The following R3HDM4 variants were observed in gnomAD, a reference collection of about 807,000 sequenced individuals.
R3HDM4 encodes R3H domain containing 4.
R3HDM4 carries 30 observed loss-of-function variants against 31.3 expected under a neutral mutation model. The ratio of observed to expected loss-of-function variants is 0.96; its 90% CI spans 0.72 to 1.30. The LOEUF is 1.30. Ranked by LOEUF, R3HDM4 falls within the 50% of genes most tolerant of loss-of-function variation. The pLI, the probability that R3HDM4 is intolerant of heterozygous loss-of-function variation, is 0.00. For synonymous variants in R3HDM4, 196 were observed against 156.6 expected (o/e 1.25, Z -1.88); for missense variants, 444 against 366.1 (o/e 1.21, Z -1.74).
intron 7 of R3HDM4, among the ~76,000 whole-genome samples, chr19:898,230 ATAT>A (rs368833393): frequency 6.4e-5 from 8 of 124,272 alleles, no homozygotes; most frequent in African/African-American, 1.7e-4. Flanking sequence ...AAAAAAAAAA[ATAT>A]ATATATATAT....
chr19:906,251 G>A (rs1384501729), intron 1 of R3HDM4, among the ~76,000 whole-genome samples: 55 of 123,590 alleles, frequency 4.5e-4, no homozygotes, highest in African/African-American at 1.6e-3. Flanking sequence ...ACAGAGTCTC[G>A]CTCTGTCGCC....
intron 1 of R3HDM4, among the ~76,000 whole-genome samples, chr19:910,920 C>T (rs954523505): frequency 2.0e-5 from 3 of 151,194 alleles, no homozygotes; most frequent in Admixed American, 1.3e-4. Flanking sequence ...GAGATCGAGA[C>T]CATCCTGGCT....
chr19:897,549 G>A lies in R3HDM4; in HGVS notation c.704-9C>T, dbSNP rs375610312. ...CCCCTCCAGGTCAGCACCTGCAGAC[G>A]GGACCAGCGGGGCAAGAACGGGAGG... On this transcript the variant is annotated splice_polypyrimidine_tract_variant and intron_variant, in intron 7 of 7. Transcript: ENST00000361574. 80 of 1,599,874 alleles carry A rather than the reference G, an allele frequency of 5.0e-5. No individual in the cohort carries two copies. The highest frequency in any genetic ancestry group is 3.4e-4 in the East Asian group (15 of 44,496).
In R3HDM4 at chr19:901,963, G is replaced by C. The variant is rs141569906; in HGVS notation, c.226+13C>G. 44 of 1,612,986 alleles carry C rather than the reference G, an allele frequency of 2.7e-5. No individual in the cohort carries two copies. Among genetic ancestry groups the C allele is most frequent in the Non-Finnish European group, 3.5e-5 (41 of 1,179,970 alleles). On this transcript the variant is annotated intron_variant, in intron 2 of 7. Transcript: ENST00000361574. Reference sequence around the variant, plus strand: ...CAGGAGCCCCCAGGAGGCGCCTCCCGACCCCTGCTCACTGTTCTCCAGGCG... The same window carrying C: ...CAGGAGCCCCCAGGAGGCGCCTCCCCACCCCTGCTCACTGTTCTCCAGGCG...
intron 2 of R3HDM4, chr19:901,762 CG>C: frequency 1.2e-6 from 1 of 816,212 alleles, no homozygotes; most frequent in East Asian, 2.6e-5. Flanking sequence ...CTCCAATGCC[CG>C]GGGCGCCCTC....
chr19:912,723 GGGGGGGCGGACCGGGGAGT>G, intron 1 of R3HDM4, among the ~76,000 whole-genome samples: 1 of 135,480 alleles, frequency 7.4e-6, no homozygotes, highest in Non-Finnish European at 1.6e-5. Context: ...CCAGTGCAGT[GGGGGGGCGGACCGGGGAGT>G]GGGGCGCGGA....
At chr19:902,279 ATT>A in intron 1 of R3HDM4, 149 bp from the exon 2 acceptor site, 1 of 774,710 alleles carries the variant, frequency 1.3e-6, no homozygotes, top group Non-Finnish European at 2.0e-6. Context: ...TTAAAATCCT[ATT>A]TTGTTTCATC....
chr19:900,800 A>AC, intron 4 of R3HDM4, 29 bp downstream of exon 4: 1 of 324,792 alleles, frequency 3.1e-6, no homozygotes, highest in Non-Finnish European at 5.1e-6. Context: ...CCCTGGCCCC[A>AC]CCCATACCCG....
Position 910,778 on chromosome 19 carries a change from G to T in R3HDM4, c.71+2309C>A, listed in dbSNP as rs185588704. Among the ~76,000 whole-genome samples the T allele has an allele frequency of 3.3e-5, 5 of 152,146 alleles. No individual in the cohort carries two copies. The East Asian group carries it at 9.7e-4, about 29-fold the overall frequency. On this transcript the variant is annotated intron_variant, in intron 1 of 7. Coordinates refer to ENST00000361574, the MANE Select transcript of R3HDM4 (RefSeq NM_138774.4). The stretch of plus-strand genomic sequence containing the variant: ...GTATGGCCTCTGAGTGGAGATAATA[G>T]TGATGATATAATAAACATAATAACG...
At chr19:912,389 A>G (rs1349833263) in intron 1 of R3HDM4, among the ~76,000 whole-genome samples, 8 of 49,924 alleles carry the variant, frequency 1.6e-4, no homozygotes, top group South Asian at 7.5e-4. Flanking sequence ...CGGACCCGGG[A>G]GTGGGGGCGA....
intron 1 of R3HDM4, among the ~76,000 whole-genome samples, chr19:903,911 C>A (rs1010811152): frequency 1.3e-5 from 2 of 152,072 alleles, no homozygotes; most frequent in Non-Finnish European, 1.5e-5. Flanking sequence ...ATTAGCCGGG[C>A]GTGGTGGTGG....
intron 1 of R3HDM4, among the ~76,000 whole-genome samples, chr19:910,931 C>A (rs537755131): frequency 4.5e-4 from 64 of 140,812 alleles, no homozygotes; most frequent in African/African-American, 1.1e-3. Context: ...CATCCTGGCT[C>A]ACACGGCAAA....
In R3HDM4 at chr19:913,004, G is replaced by A; in HGVS notation, c.71+83C>T. The A allele has an allele frequency of 2.1e-6, 1 of 466,508 alleles. No homozygotes were observed. The highest frequency in any genetic ancestry group is 2.9e-6 in the Non-Finnish European group (1 of 346,084). The allele number at this position is 466,508 out of a possible 1,614,324, so 28.9% of individuals were successfully genotyped here. A position where few individuals can be genotyped will look rare whatever the true frequency, so the allele number is the denominator to read the frequency against. ...ACGAGGGGAGGGAAGGGAAAGGAGG[G>A]GAGGGGAGGCGGGGAGAGGATCTCA... On this transcript the variant is annotated intron_variant, in intron 1 of 7. Coordinates refer to ENST00000361574, the MANE Select transcript of R3HDM4 (RefSeq NM_138774.4). This position sits in a 1 kb window ranked among gnomAD's most constrained non-coding sequence, Gnocchi z 5.0.
intron 1 of R3HDM4, among the ~76,000 whole-genome samples, chr19:902,807 G>A (rs1176107363): frequency 6.6e-6 from 1 of 152,160 alleles, no homozygotes; most frequent in Non-Finnish European, 1.5e-5. Context: ...CAGGCGTGGT[G>A]GCGTGCGCCT....
chr19:898,566 T>A, intron 7 of R3HDM4, among the ~76,000 whole-genome samples: 1 of 151,778 alleles, frequency 6.6e-6, no homozygotes, highest in Middle Eastern at 3.2e-3. Context: ...GCCACTGCAC[T>A]CCAGCCTGGG....
chr19:913,117 G>T lies in R3HDM4; in HGVS notation c.41C>A (p.Ala14Glu). 1 of 1,080,848 alleles carries T rather than the reference G, an allele frequency of 9.3e-7. No individual in the cohort carries two copies. The highest frequency in any genetic ancestry group is 4.9e-5 in the Admixed American group (1 of 20,520). The allele number at this position is 1,080,848 out of a possible 1,614,324, so 67.0% of individuals were successfully genotyped here. Residue 14 changes from alanine to glutamate, a missense_variant, in exon 1 of 8, where the codon GCG becomes GAG. By Grantham distance (107) the Ala-to-Glu change is moderately radical. Transcript: ENST00000361574. This position sits in a 1 kb window ranked among gnomAD's most constrained non-coding sequence, Gnocchi z 5.0. ...CCGCCGCCCGCCCGGGGTGCCCTCC[G>T]CCGCCTCCGGGCCGCACTCGGGGTT... ...LENPECGPEA[A>E]EGTPGGRRLL...
chr19:908,044 T>A (rs564114599), intron 1 of R3HDM4, among the ~76,000 whole-genome samples: 1 of 151,050 alleles, frequency 6.6e-6, no homozygotes, highest in African/African-American at 2.4e-5. Flanking sequence ...ATACAAAAAT[T>A]AGCCAGGAGT....
Position 899,411 on chromosome 19 carries a change from T to C in R3HDM4, c.703+29A>G, listed in dbSNP as rs2084308601. ...ACTTTCCCAGGTTGAGCTGGCCAAC[T>C]TGGGGTCTTGGGGGCCACCGGCACT... On this transcript the variant is annotated intron_variant, in intron 7 of 7. Coordinates refer to ENST00000361574, the MANE Select transcript of R3HDM4 (RefSeq NM_138774.4). This position sits in a 1 kb window ranked among gnomAD's most constrained non-coding sequence, Gnocchi z 6.8. The C allele has an allele frequency of 5.0e-6, 8 of 1,609,510 alleles. No homozygotes were observed. Among genetic ancestry groups the C allele is most frequent in the Non-Finnish European group, 6.8e-6 (8 of 1,177,376 alleles).
intron 1 of R3HDM4, among the ~76,000 whole-genome samples, chr19:905,502 T>G: frequency 1.0e-5 from 1 of 96,076 alleles, no homozygotes; most frequent in Non-Finnish European, 2.2e-5. Flanking sequence ...TGAAACTCTG[T>G]CTCAAAAAAA....
Sources: allele counts gnomAD v4.1 joint callset (sites outside exome capture counted in the v4.1 genomes callset), GRCh38; gene constraint gnomAD v4.1.1; non-coding constraint Gnocchi (gnomAD v3.1); transcripts MANE v1.5; gene names NCBI Gene and HGNC (gene_info 2026-07-23, HGNC 2026-07-21).